The following ARAP2 variants were observed in gnomAD, a reference collection of about 807,000 sequenced individuals.
ARAP2 encodes ArfGAP with RhoGAP domain, ankyrin repeat and PH domain 2.
ARAP2 carries 148 observed loss-of-function variants against 194.5 expected under a neutral mutation model. That is an observed-to-expected ratio of 0.76 (90% CI 0.67 to 0.87). ARAP2 has a LOEUF of 0.87. ARAP2 is among the 40% of genes least tolerant of loss of function. The pLI is 0.00. For synonymous variants in ARAP2, 695 were observed against 683.5 expected (o/e 1.02, Z -0.26); for missense variants, 2,128 against 1,989.7 (o/e 1.07, Z -1.32).
chr4:36,188,692 C>A (rs1741145405), intron 7 of ARAP2, among the ~76,000 whole-genome samples: 1 of 152,152 alleles, frequency 6.6e-6, no homozygotes, highest in Non-Finnish European at 1.5e-5. Context: ...ATTTCTTTAT[C>A]TCTTCCCTTC....
At chr4:36,183,761 T>C (rs1403174181) in intron 8 of ARAP2, among the ~76,000 whole-genome samples, 1 of 152,196 alleles carries the variant, frequency 6.6e-6, no homozygotes, top group Non-Finnish European at 1.5e-5. Flanking sequence ...AAGAACAATG[T>C]TTCATTAGGA....
chr4:36,014,196 A>T (rs1484265470), intron 8 of ARAP2, among the ~76,000 whole-genome samples: 1 of 146,884 alleles, frequency 6.8e-6, no homozygotes, highest in African/African-American at 2.6e-5. Flanking sequence ...AACTACACTC[A>T]AGCCTAGGTG....
intron 5 of ARAP2, among the ~76,000 whole-genome samples, chr4:36,042,340 G>A (rs1466218245): frequency 1.3e-5 from 2 of 152,230 alleles, no homozygotes; most frequent in Non-Finnish European, 2.9e-5. Flanking sequence ...AATATTATGT[G>A]TTCTCGCAGC....
intron 2 of ARAP2, among the ~76,000 whole-genome samples, chr4:36,055,625 G>A (rs370353877): frequency 1.7e-3 from 265 of 152,042 alleles, no homozygotes; most frequent in African/African-American, 5.8e-3. Context: ...GTGCAATGGC[G>A]TGATCTTGGC....
chr4:36,055,050 C>T (rs767217449), intron 2 of ARAP2, among the ~76,000 whole-genome samples: 28 of 152,048 alleles, frequency 1.8e-4, no homozygotes, highest in Non-Finnish European at 2.4e-4. Flanking sequence ...CGTAATAACC[C>T]TAAGGGTTTT....
At chr4:36,037,890 C>A (rs1222477649) in intron 5 of ARAP2, among the ~76,000 whole-genome samples, 2 of 152,168 alleles carry the variant, frequency 1.3e-5, no homozygotes, top group African/African-American at 4.8e-5. Context: ...AATCTTATTT[C>A]TCTGGTTTCC....
intron 2 of ARAP2, among the ~76,000 whole-genome samples, chr4:36,223,426 C>G (rs925539134): frequency 6.6e-6 from 1 of 151,996 alleles, no homozygotes; most frequent in African/African-American, 2.4e-5. Flanking sequence ...GATGGGCTGA[C>G]CTACTATAAA....
In ARAP2 at chr4:36,161,497, C is replaced by A. The variant is rs757956992; in HGVS notation, c.2227G>T (p.Asp743Tyr). 6.2e-7 allele frequency: 1 copy of A among 1,614,052 alleles called. No individual in the cohort carries two copies. Among genetic ancestry groups the A allele is most frequent in the South Asian group, 1.1e-5 (1 of 91,078 alleles). Residue 743 changes from aspartate (D) to tyrosine (Y), a missense_variant, in exon 12 of 33, where the codon GAT becomes TAT. Coordinates refer to ENST00000303965, the MANE Select transcript of ARAP2 (RefSeq NM_015230.4). ...AGTTCATTGCTCCAAATGCTAGCATCCATTTTTAGACTTCTAACCTTGGAA... is the reference window on the plus strand; with the variant it reads ...AGTTCATTGCTCCAAATGCTAGCATACATTTTTAGACTTCTAACCTTGGAA... ...KDSKVRSLKM[D>Y]ASIWSNELIE...
intron 6 of ARAP2, among the ~76,000 whole-genome samples, chr4:36,205,668 CT>C (rs1229244919): frequency 6.6e-6 from 1 of 151,682 alleles, no homozygotes; most frequent in African/African-American, 2.4e-5. Context: ...AAGTTACCTA[CT>C]TTTCCAAATG....
At chr4:36,106,051 C>G (rs1418421050) in intron 27 of ARAP2, among the ~76,000 whole-genome samples, 2 of 151,914 alleles carry the variant, frequency 1.3e-5, no homozygotes, top group Non-Finnish European at 2.9e-5. Context: ...GACCCTTGGT[C>G]TGTACCCACT....
At chr4:36,209,539 G>GTT in intron 6 of ARAP2, 2 of 309,010 alleles carry the variant, frequency 6.5e-6, no homozygotes, top group South Asian at 2.7e-5. Flanking sequence ...GCTTCTGGTA[G>GTT]TTTTTTTTTC....
intron 5 of ARAP2, among the ~76,000 whole-genome samples, chr4:36,021,831 A>G (rs1456921457): frequency 3.9e-5 from 6 of 152,218 alleles, no homozygotes; most frequent in Non-Finnish European, 8.8e-5. Flanking sequence ...AGTTGATGTC[A>G]TAAATATCTA....
At chr4:36,027,037 G>A (rs12509812) in intron 5 of ARAP2, among the ~76,000 whole-genome samples, 112,144 of 152,150 alleles carry the variant, frequency 0.74, 42,265 homozygotes, top group Admixed American at 0.85. Context: ...AGGGACTTCA[G>A]CGTGGGGGAC....
intron 27 of ARAP2, among the ~76,000 whole-genome samples, chr4:36,099,336 C>G (rs1331573959): frequency 2.6e-5 from 4 of 152,038 alleles, no homozygotes; most frequent in Admixed American, 2.6e-4. Flanking sequence ...CATATATTTG[C>G]TATTGCCAAC....
chr4:36,241,712 CA>C (rs925129978), intron 1 of ARAP2, among the ~76,000 whole-genome samples: 2 of 151,532 alleles, frequency 1.3e-5, no homozygotes, highest in African/African-American at 4.9e-5. Flanking sequence ...TGATATATTC[CA>C]AAAAAAACAC....
chr4:36,234,480 G>C (rs1752086909), intron 1 of ARAP2, among the ~76,000 whole-genome samples: 1 of 152,112 alleles, frequency 6.6e-6, no homozygotes. Flanking sequence ...AGCGGGGGGT[G>C]GGGGACACAC....
At chr4:36,200,903 C>T (rs1245307886) in intron 6 of ARAP2, among the ~76,000 whole-genome samples, 1 of 152,158 alleles carries the variant, frequency 6.6e-6, no homozygotes, top group African/African-American at 2.4e-5. Context: ...GCTTAATTTG[C>T]TTCACAAATT....
intron 6 of ARAP2, among the ~76,000 whole-genome samples, chr4:36,200,455 G>A (rs916411856): frequency 7.2e-5 from 11 of 151,782 alleles, no homozygotes; most frequent in African/African-American, 2.7e-4. Flanking sequence ...GGGTTTCTCC[G>A]TGTTGGTCAG....
chr4:36,191,139 C>T (rs897485881), intron 7 of ARAP2, among the ~76,000 whole-genome samples: 14 of 151,708 alleles, frequency 9.2e-5, no homozygotes, highest in South Asian at 2.1e-4. Context: ...TTATCCCCTA[C>T]GTGATCTGTT....
Sources: gnomAD v4.1 joint callset for allele counts (sites outside exome capture counted in the v4.1 genomes callset) on GRCh38, gnomAD v4.1.1 for gene constraint, MANE v1.5 for transcripts, NCBI Gene and HGNC (gene_info 2026-07-23, HGNC 2026-07-21) for gene names.